MAP3K5: variants seen among roughly 807,000 people sequenced by gnomAD.
MAP3K5 encodes the protein ASK-1.
Under a neutral mutation model 158.7 loss-of-function variants are expected in MAP3K5, and 56 were observed. That is an observed-to-expected ratio of 0.35 (90% confidence interval 0.28 to 0.44). The LOEUF is 0.44. MAP3K5 is among the 20% of genes least tolerant of loss of function. MAP3K5 has a pLI of 1.00. For missense variants in MAP3K5, 1,294 were observed against 1,674.8 expected, an observed-to-expected ratio of 0.77 and a Z score of 3.97; for synonymous variants, 579 against 601.7, an observed-to-expected ratio of 0.96 and a Z score of 0.55.
chr6:136,632,262 C>T (rs1777403712), intron 14 of MAP3K5, among the ~76,000 whole-genome samples: 3 of 151,912 alleles, frequency 2.0e-5, no homozygotes, highest in Non-Finnish European at 4.4e-5. Flanking sequence ...GGCTCGTGTC[C>T]GTAATCCCAG....
Position 136,694,082 on chromosome 6 carries a change from A to G in MAP3K5, c.1253+58T>C. The G allele has an allele frequency of 2.9e-6, 4 of 1,380,956 alleles. No homozygotes were observed. In the East Asian group the frequency reaches 6.9e-5, roughly 24 times the overall value. 85.5% of individuals were successfully genotyped at this position (1,380,956 alleles called of 1,614,324 possible). A position where few individuals can be genotyped will look rare whatever the true frequency, so the allele number is the denominator to read the frequency against. ...TACTTTAACACTCTCATTTGCAAAT[A>G]CTTTTTTATGCCATGGATTTACTAA... On this transcript the variant is annotated intron_variant, in intron 7 of 29. Coordinates refer to ENST00000359015, the MANE Select transcript of MAP3K5 (RefSeq NM_005923.4).
intron 1 of MAP3K5, among the ~76,000 whole-genome samples, chr6:136,724,395 G>A (rs1223266712): frequency 6.6e-6 from 1 of 151,798 alleles, no homozygotes; most frequent in Non-Finnish European, 1.5e-5. Flanking sequence ...ATTACAGGGT[G>A]CACCACCACA....
Position 136,769,738 on chromosome 6 carries a change from G to GGGAAGGAA in MAP3K5, c.448+21964_448+21971dup, listed in dbSNP as rs1209835950. The stretch of plus-strand genomic sequence containing the variant: ...AATGTGCACTGAAGGAAGGGAGGAA[G>GGGAAGGAA]GGAAGGAAGGAAGGAAGGAAGGAAG... On this transcript the variant is annotated intron_variant, in intron 1 of 29. Transcript: ENST00000359015. Among the ~76,000 whole-genome samples the GGGAAGGAA allele has an allele frequency of 3.7e-3, 195 of 52,296 alleles. 7 individuals are homozygous for GGGAAGGAA. The highest frequency in any genetic ancestry group is 4.1e-3 in the Non-Finnish European group (117 of 28,658). 34.3% of individuals were successfully genotyped at this position (52,296 alleles called of 152,430 possible).
At chr6:136,786,079 A>T (rs1040367726) in intron 1 of MAP3K5, among the ~76,000 whole-genome samples, 10 of 152,116 alleles carry the variant, frequency 6.6e-5, no homozygotes, top group Admixed American at 2.6e-4. Context: ...GATGTCTTTT[A>T]AAAAAAATTT....
chr6:136,615,642 T>A (rs1776530648), intron 15 of MAP3K5, among the ~76,000 whole-genome samples: 1 of 152,178 alleles, frequency 6.6e-6, no homozygotes, highest in African/African-American at 2.4e-5. Context: ...AAATTTTACT[T>A]AAGAAGCTAA....
intron 2 of MAP3K5, among the ~76,000 whole-genome samples, chr6:136,709,316 T>C (rs903237895): frequency 2.0e-5 from 3 of 152,198 alleles, no homozygotes; most frequent in Admixed American, 1.3e-4. Flanking sequence ...ATGTAAGATA[T>C]GGCTCTGCTC....
intron 14 of MAP3K5, among the ~76,000 whole-genome samples, chr6:136,629,804 T>TTTATTATTA (rs1777245657): frequency 1.0e-5 from 1 of 100,070 alleles, no homozygotes; most frequent in East Asian, 2.9e-4. Flanking sequence ...TATTTATTTA[T>TTTATTATTA]TTATTTAGAG....
intron 1 of MAP3K5, among the ~76,000 whole-genome samples, chr6:136,769,489 T>C (rs913736358): frequency 6.6e-6 from 1 of 151,920 alleles, no homozygotes; most frequent in African/African-American, 2.4e-5. Flanking sequence ...TACTTTAAAA[T>C]GGTTACTTTT....
rs139025379 is a variant in MAP3K5 at position 136,563,627 on chromosome 6, T to C, written c.3762-1012A>G. On this transcript the variant is annotated intron_variant, in intron 26 of 29. Transcript: ENST00000359015. Reference sequence around the variant, plus strand: ...AAGAAACAAGGAGAAACTGTGATATTCATACCAAAGTTCTTACCCATAGAA... The same window carrying C: ...AAGAAACAAGGAGAAACTGTGATATCCATACCAAAGTTCTTACCCATAGAA... Among the ~76,000 whole-genome samples, 464 of 152,268 alleles carry C rather than the reference T, an allele frequency of 3.0e-3. 5 individuals carry two copies. The highest frequency in any genetic ancestry group is 0.011 in the African/African-American group (446 of 41,556).
intron 1 of MAP3K5, among the ~76,000 whole-genome samples, chr6:136,727,977 A>G (rs1174155779): frequency 6.6e-6 from 1 of 152,148 alleles, no homozygotes; most frequent in Non-Finnish European, 1.5e-5. Flanking sequence ...AAAAAAAAAA[A>G]AAGAAATTTA....
intron 1 of MAP3K5, among the ~76,000 whole-genome samples, chr6:136,756,912 G>A (rs1783516975): frequency 6.6e-6 from 1 of 152,202 alleles, no homozygotes; most frequent in Non-Finnish European, 1.5e-5. Flanking sequence ...GACTCCAAGA[G>A]ACACTTTCTC....
At chr6:136,628,684 T>G (rs1051655811) in intron 14 of MAP3K5, among the ~76,000 whole-genome samples, 2 of 152,186 alleles carry the variant, frequency 1.3e-5, no homozygotes, top group African/African-American at 4.8e-5. Flanking sequence ...GTATTAGATA[T>G]AGAAGATTAG....
At chr6:136,670,174 G>A (rs994351471) in intron 7 of MAP3K5, among the ~76,000 whole-genome samples, 3 of 152,028 alleles carry the variant, frequency 2.0e-5, no homozygotes, top group Non-Finnish European at 4.4e-5. Context: ...ATAAAACCGA[G>A]TATCAACCTT....
intron 26 of MAP3K5, among the ~76,000 whole-genome samples, chr6:136,565,716 G>A (rs550217520): frequency 7.2e-5 from 11 of 152,168 alleles, no homozygotes; most frequent in Non-Finnish European, 1.5e-4. Flanking sequence ...AAAATTAGAA[G>A]GACCAATATG....
chr6:136,602,299 T>C (rs1360186632), intron 19 of MAP3K5, among the ~76,000 whole-genome samples: 1 of 152,108 alleles, frequency 6.6e-6, no homozygotes, highest in Admixed American at 6.6e-5. Context: ...TTTATTTTTC[T>C]TTCTTTCTTT....
At chr6:136,580,736 AG>A (rs928134381) in intron 24 of MAP3K5, among the ~76,000 whole-genome samples, 1 of 152,158 alleles carries the variant, frequency 6.6e-6, no homozygotes, top group Non-Finnish European at 1.5e-5. Context: ...GGAGGAAGAC[AG>A]GGTCTAAGAG....
In MAP3K5 at chr6:136,690,676, G is replaced by A. The variant is rs1184217619; in HGVS notation, c.1253+3464C>T. On this transcript the variant is annotated intron_variant, in intron 7 of 29. Coordinates refer to ENST00000359015, the MANE Select transcript of MAP3K5 (RefSeq NM_005923.4). ...CATTTTTTAATCTCTTTTTCTTAAAGATATTTTGAGGAGTTATTTATATAT... is the reference window on the plus strand; with the variant it reads ...CATTTTTTAATCTCTTTTTCTTAAAAATATTTTGAGGAGTTATTTATATAT... Among the ~76,000 whole-genome samples, 4 of 152,122 alleles carry A rather than the reference G, an allele frequency of 2.6e-5. No individual in the cohort carries two copies. The East Asian group carries it at 5.8e-4, about 22-fold the overall frequency.
intron 3 of MAP3K5, among the ~76,000 whole-genome samples, chr6:136,703,600 A>G (rs1780945948): frequency 6.6e-6 from 1 of 152,264 alleles, no homozygotes; most frequent in Admixed American, 6.5e-5. Flanking sequence ...TAAATTAAAC[A>G]GTTTCACACC....
chr6:136,734,737 A>G (rs1782382861), intron 1 of MAP3K5, among the ~76,000 whole-genome samples: 1 of 152,024 alleles, frequency 6.6e-6, no homozygotes. Context: ...TTGGTCTCTC[A>G]TATTTAGTTT....
Sources: allele counts gnomAD v4.1 joint callset (sites outside exome capture counted in the v4.1 genomes callset), GRCh38; gene constraint gnomAD v4.1.1; transcripts MANE v1.5; gene names NCBI Gene and HGNC (gene_info 2026-07-23, HGNC 2026-07-21).